Variants in MAEA observed in about 807,000 individuals in gnomAD.
MAEA encodes E3 ubiquitin-protein transferase MAEA.
Under a neutral mutation model 46.2 loss-of-function variants are expected in MAEA, and 22 were observed. The observed-to-expected ratio is 0.48, with a 90% CI of 0.34 to 0.68. The LOEUF is 0.68. Ranked by LOEUF, MAEA falls within the 30% of genes least tolerant of loss-of-function variation. MAEA has a pLI of 0.01. For synonymous variants in MAEA, 246 were observed against 222.6 expected, an observed-to-expected ratio of 1.11 and a Z score of -0.94; for missense variants, 393 against 558.1, an observed-to-expected ratio of 0.70 and a Z score of 2.98.
At chr4:1,290,040 CGGGCCGCGAG>C in intron 1 of MAEA, 58 bp downstream of exon 1, 1 of 1,403,730 alleles carries the variant, frequency 7.1e-7, no homozygotes, top group Non-Finnish European at 9.6e-7. Context: ...CCAGTGCCCT[CGGGCCGCGAG>C]GGGCCGCCCC....
At chr4:1,334,769 G>C in intron 6 of MAEA, 1 of 620,844 alleles carries the variant, frequency 1.6e-6, no homozygotes, top group Non-Finnish European at 2.0e-6. Context: ...TTTGTTCAGA[G>C]AATGGCAGAA....
Position 1,339,213 on chromosome 4 carries a change from G to T in MAEA, c.*44G>T. 1 of 1,472,368 alleles carries T rather than the reference G, an allele frequency of 6.8e-7. No homozygotes were observed. 91.2% of individuals were successfully genotyped at this position (1,472,368 alleles called of 1,614,324 possible). A position where few individuals can be genotyped will look rare whatever the true frequency, so the allele number is the denominator to read the frequency against. ...CACGCCTCGGGGACGGGCTGCAGTG[G>T]GCGGGGAGGCCACGCCTTCCTCCTG... On this transcript the variant is annotated 3_prime_UTR_variant, in exon 9 of 9. Transcript: ENST00000303400.
intron 4 of MAEA, among the ~76,000 whole-genome samples, chr4:1,322,986 C>T (rs1025464515): frequency 1.7e-5 from 2 of 117,602 alleles, no homozygotes; most frequent in African/African-American, 3.3e-5. Context: ...GACGGAGTCT[C>T]GCTTTGTCGC....
At position 1,312,174 on chromosome 4, in the gene MAEA, T is replaced by C. The variant is rs6818213; in HGVS notation, c.252+13T>C. On this transcript the variant is annotated intron_variant, in intron 2 of 8. Transcript: ENST00000303400. ...CCTCAAGAGGAAGGTTGGTCCCGCC[T>C]GGCGGTCCCTCTTCAGTCTGGGGCA... The C allele has an allele frequency of 0.013, 20,672 of 1,613,602 alleles. 2,019 individuals carry two copies. In the African/African-American group the frequency reaches 0.23, roughly 18 times the overall value.
At chr4:1,322,173 G>T (rs558836370) in intron 3 of MAEA, among the ~76,000 whole-genome samples, 31 of 152,270 alleles carry the variant, frequency 2.0e-4, no homozygotes, top group Non-Finnish European at 3.4e-4. Context: ...GTGAGCGTCC[G>T]ACCTTTTGGT....
At chr4:1,304,200 C>T (rs573303428) in intron 1 of MAEA, among the ~76,000 whole-genome samples, 52 of 152,250 alleles carry the variant, frequency 3.4e-4, no homozygotes, top group African/African-American at 1.1e-3. Context: ...TCCAAATCGT[C>T]GTGTGCTGTC....
At chr4:1,294,118 G>C (rs1022394770) in intron 1 of MAEA, among the ~76,000 whole-genome samples, 1 of 152,230 alleles carries the variant, frequency 6.6e-6, no homozygotes, top group Non-Finnish European at 1.5e-5. Context: ...TTTATCTGCA[G>C]TAACGTCACA....
chr4:1,334,826 A>G, intron 6 of MAEA: 1 of 978,104 alleles, frequency 1.0e-6, no homozygotes, highest in South Asian at 4.7e-5. Flanking sequence ...TGAGGATGCC[A>G]GGAGCTGTTC....
intron 6 of MAEA, chr4:1,335,347 T>G: frequency 1.0e-6 from 1 of 985,516 alleles, no homozygotes; most frequent in Non-Finnish European, 1.2e-6. Context: ...TTCCAGATCA[T>G]TCAAGTTGAT....
Position 1,339,202 on chromosome 4 carries a change from G to A in MAEA, c.*33G>A, listed in dbSNP as rs753891197. 26 of 1,537,914 alleles carry A rather than the reference G, an allele frequency of 1.7e-5. No homozygotes were observed. Among genetic ancestry groups the A allele is most frequent in the South Asian group, 5.6e-5 (5 of 89,542 alleles). On this transcript the variant is annotated 3_prime_UTR_variant, in exon 9 of 9. Coordinates refer to ENST00000303400, the MANE Select transcript of MAEA (RefSeq NM_001017405.3). ...GTCGTGAAGCGCACGCCTCGGGGAC[G>A]GGCTGCAGTGGGCGGGGAGGCCACG... is the stretch of plus-strand genomic sequence containing the variant.
chr4:1,294,144 C>T (rs1449145188), intron 1 of MAEA, among the ~76,000 whole-genome samples: 3 of 152,216 alleles, frequency 2.0e-5, no homozygotes, highest in Admixed American at 6.5e-5. Flanking sequence ...CCAGAATCCG[C>T]CCGGTCTCTA....
chr4:1,304,357 C>G (rs1735629686), intron 1 of MAEA, among the ~76,000 whole-genome samples: 1 of 151,988 alleles, frequency 6.6e-6, no homozygotes, highest in Non-Finnish European at 1.5e-5. Flanking sequence ...TGGTCTCCAA[C>G]TCCTGGCCTC....
intron 3 of MAEA, among the ~76,000 whole-genome samples, chr4:1,318,215 C>T (rs763389098): frequency 1.2e-4 from 18 of 152,344 alleles, no homozygotes; most frequent in Admixed American, 2.0e-4. Context: ...CTCTCCTAAA[C>T]GCCCAGCACA....
chr4:1,327,486 G>T, intron 4 of MAEA, 141 bp from the exon 5 acceptor site: 1 of 720,384 alleles, frequency 1.4e-6, no homozygotes. Context: ...TTCAGCCTCA[G>T]CCCTGCCTTC....
rs751460148 is a variant in MAEA, at chr4:1,312,126, G to A, written c.217G>A (p.Gly73Ser). 6 of 1,613,792 alleles carry A rather than the reference G, an allele frequency of 3.7e-6. No homozygotes were observed. The highest frequency in any genetic ancestry group is 1.3e-5 in the African/African-American group (1 of 74,936). ...GGACTCCGTGGTCAGCCTGCTGGAC[G>A]GCGTGGTGGAGAAGCTCAGCGTCCT... ...AVDSVVSLLD[G>S]VVEKLSVLKR... Residue 73 changes from glycine to serine, a missense_variant, in exon 2 of 9, where the codon GGC (glycine) becomes AGC (serine). Coordinates refer to ENST00000303400, the MANE Select transcript of MAEA (RefSeq NM_001017405.3).
At chr4:1,336,728 A>G (rs1201213118) in intron 6 of MAEA, 133 bp from the exon 7 acceptor site, 1 of 729,032 alleles carries the variant, frequency 1.4e-6, no homozygotes, top group Non-Finnish European at 2.2e-6. Flanking sequence ...GCTGACCCTT[A>G]GTGCAAAGTG....
intron 3 of MAEA, among the ~76,000 whole-genome samples, chr4:1,320,643 A>G (rs1230254731): frequency 6.6e-6 from 1 of 150,626 alleles, no homozygotes; most frequent in East Asian, 1.9e-4. Flanking sequence ...AAAAGAAATA[A>G]TCAAAGCAAA....
At chr4:1,327,387 G>A (rs535957968) in intron 4 of MAEA, among the ~76,000 whole-genome samples, 40 of 152,350 alleles carry the variant, frequency 2.6e-4, no homozygotes, top group African/African-American at 8.7e-4. Context: ...GCGGCTGCAC[G>A]CCCCACCGCA....
chr4:1,329,517 C>T (rs985784822), intron 5 of MAEA: 5 of 985,166 alleles, frequency 5.1e-6, no homozygotes, highest in Non-Finnish European at 6.0e-6. Context: ...GAAGCCTCAG[C>T]AGCCAGCCGG....
Sources: gnomAD v4.1 joint callset for allele counts (sites outside exome capture counted in the v4.1 genomes callset) on GRCh38, gnomAD v4.1.1 for gene constraint, MANE v1.5 for transcripts, NCBI Gene and HGNC (gene_info 2026-07-23, HGNC 2026-07-21) for gene names.